Variants in CFAP46 observed in about 807,000 individuals in gnomAD.
CFAP46 encodes the protein cilia- and flagella-associated protein 46.
Under a neutral mutation model 325.7 loss-of-function variants are expected in CFAP46, and 245 were observed. The observed-to-expected ratio is 0.75, with a 90% confidence interval of 0.68 to 0.84. The LOEUF (loss-of-function observed/expected upper bound fraction) is 0.84. Ranked by LOEUF, CFAP46 falls within the 40% of genes least tolerant of loss-of-function variation. CFAP46 has a pLI of 0.00. For missense variants in CFAP46, 3,346 were observed against 3,543.0 expected, an observed-to-expected ratio of 0.94 and a Z score of 1.41; for synonymous variants, 1,523 against 1,495.9, an observed-to-expected ratio of 1.02 and a Z score of -0.42.
chr10:132,907,942 T>G (rs562592920), intron 22 of CFAP46, among the ~76,000 whole-genome samples: 412 of 152,360 alleles, frequency 2.7e-3, no homozygotes, highest in Non-Finnish European at 3.9e-3. Flanking sequence ...CCTCCGGAAC[T>G]GTGAGCAGGA....
In CFAP46 at chr10:132,847,597, G is replaced by A. The variant is rs910004943; in HGVS notation, c.5953-276C>T. Among the ~76,000 whole-genome samples, 34 of 152,112 alleles carry A rather than the reference G, an allele frequency of 2.2e-4. No homozygotes were observed. The highest frequency in any genetic ancestry group is 7.0e-4 in the African/African-American group (29 of 41,500). On this transcript the variant is annotated intron_variant, in intron 41 of 57. Coordinates refer to ENST00000368586, the MANE Select transcript of CFAP46 (RefSeq NM_001200049.3). This position sits in a 1 kb window ranked among gnomAD's most constrained non-coding sequence, Gnocchi z 5.2. ...GAGGACGCAGACCCCTGAGGAAGCC[G>A]GCCTGAGTCACGTGGGCCTGGAATC...
intron 39 of CFAP46, among the ~76,000 whole-genome samples, chr10:132,854,321 C>T (rs1848606655): frequency 7.8e-6 from 1 of 129,008 alleles, no homozygotes; most frequent in Non-Finnish European, 1.6e-5. Context: ...ACATAGCTTT[C>T]TGTGTTTTGT....
At chr10:132,931,108 G>A (rs1171337425) in intron 8 of CFAP46, among the ~76,000 whole-genome samples, 20 of 23,766 alleles carry the variant, frequency 8.4e-4, no homozygotes, top group African/African-American at 2.6e-3. Context: ...CACTCCCCAC[G>A]CAGAGCCTGG....
intron 56 of CFAP46, chr10:132,810,741 G>A (rs377516260): frequency 2.6e-5 from 19 of 724,660 alleles, no homozygotes; most frequent in African/African-American, 8.7e-5. Flanking sequence ...CCCGGCTCCC[G>A]TGGGCTGGTG....
intron 35 of CFAP46, among the ~76,000 whole-genome samples, chr10:132,861,529 C>T (rs1313949102): frequency 3.9e-5 from 6 of 152,244 alleles, no homozygotes; most frequent in African/African-American, 1.4e-4. Context: ...CACCTGGACA[C>T]GGATGCTGAG....
chr10:132,900,920 GCT>G (rs1849384099), intron 22 of CFAP46, among the ~76,000 whole-genome samples: 1 of 152,220 alleles, frequency 6.6e-6, no homozygotes, highest in Non-Finnish European at 1.5e-5. Flanking sequence ...GTATTTTCAA[GCT>G]CTGCTATTAG....
intron 7 of CFAP46, among the ~76,000 whole-genome samples, chr10:132,935,164 T>C (rs12217392): frequency 2.0e-5 from 3 of 152,180 alleles, no homozygotes; most frequent in East Asian, 3.9e-4. Flanking sequence ...GCACTCTCTC[T>C]GCTCAACGGC....
In CFAP46 at chr10:132,879,440, T is replaced by C. The variant is rs988032686; in HGVS notation, c.3991A>G (p.Arg1331Gly). 3.3e-6 allele frequency: 5 copies of C among 1,526,192 alleles called. No individual in the cohort carries two copies. Among genetic ancestry groups the C allele is most frequent in the Non-Finnish European group, 4.4e-6 (5 of 1,133,320 alleles). 94.5% of individuals were successfully genotyped at this position (1,526,192 alleles called of 1,614,324 possible). A position where few individuals can be genotyped will look rare whatever the true frequency, so the allele number is the denominator to read the frequency against. ...DCCLAAYAFFRHIWQVSLMTA... is the reference protein window; with the variant it reads ...DCCLAAYAFFGHIWQVSLMTA... ...CTGGGCCTCACCTGCCAGATGTGCC[T>C]GAAGAAGGCGTAGGCTGCAAGGCAG... Residue 1331 changes from arginine (R) to glycine (G), a missense_variant, in exon 29 of 58, where the codon AGG (arginine) becomes GGG (glycine). Transcript: ENST00000368586.
chr10:132,878,341 TCTCA>T (rs1848987107), intron 29 of CFAP46, among the ~76,000 whole-genome samples: 1 of 152,106 alleles, frequency 6.6e-6, no homozygotes, highest in South Asian at 2.1e-4. Flanking sequence ...TGTCCCTCAG[TCTCA>T]CTCCACTGTC....
At chr10:132,837,720 GAC>G (rs201116941) in intron 44 of CFAP46, among the ~76,000 whole-genome samples, 12,841 of 105,602 alleles carry the variant, frequency 0.12, 1,045 homozygotes, top group Middle Eastern at 0.18. Flanking sequence ...GACATGCACG[GAC>G]ACACACATGC....
At chr10:132,863,719 G>T (rs1848757251) in intron 35 of CFAP46, among the ~76,000 whole-genome samples, 1 of 142,534 alleles carries the variant, frequency 7.0e-6, no homozygotes, top group African/African-American at 2.7e-5. Context: ...CCTGAGACCT[G>T]CACTCACCTG....
chr10:132,823,035 C>CTGTGTGAGT (rs2134882640), intron 50 of CFAP46, among the ~76,000 whole-genome samples: 1 of 96,032 alleles, frequency 1.0e-5, no homozygotes, highest in Admixed American at 1.2e-4. Context: ...GCTGTGTGTG[C>CTGTGTGAGT]GCTGATGTGT....
intron 50 of CFAP46, among the ~76,000 whole-genome samples, chr10:132,822,650 ATGTGTGCTGTGTGTGCGCTTG>A (rs1179988538): frequency 3.0e-5 from 3 of 99,590 alleles, no homozygotes; most frequent in Admixed American, 1.2e-4. Flanking sequence ...CTGTGCGCTG[ATGTGTGCTGTGTGTGCGCTTG>A]TGTGTGCTGT....
chr10:132,935,058 G>A (rs1286170102), intron 7 of CFAP46, among the ~76,000 whole-genome samples, 196 bp from the exon 8 acceptor site: 2 of 152,034 alleles, frequency 1.3e-5, no homozygotes, highest in East Asian at 1.9e-4. Context: ...CATGATGCCC[G>A]GCCTTCCTAC....
chr10:132,821,939 CTGTG>C (rs61726780), intron 50 of CFAP46, among the ~76,000 whole-genome samples: 3 of 112,634 alleles, frequency 2.7e-5, no homozygotes, highest in Non-Finnish European at 5.4e-5. Context: ...CTGATGTGTG[CTGTG>C]TGTGCGCTTG....
At chr10:132,856,298 T>C (rs894635397) in intron 39 of CFAP46, among the ~76,000 whole-genome samples, 1 of 152,252 alleles carries the variant, frequency 6.6e-6, no homozygotes, top group African/African-American at 2.4e-5. Flanking sequence ...TGCCCTGATA[T>C]AGTTTCATTC....
chr10:132,913,998 C>T (rs182171963), intron 17 of CFAP46, among the ~76,000 whole-genome samples: 6 of 152,314 alleles, frequency 3.9e-5, no homozygotes, highest in Non-Finnish European at 7.4e-5. Context: ...CATGGGACCC[C>T]CGCTCACCCC....
chr10:132,834,195 C>T, intron 48 of CFAP46, 72 bp from the exon 49 acceptor site: 1 of 1,391,468 alleles, frequency 7.2e-7, no homozygotes, highest in South Asian at 1.2e-5. Flanking sequence ...GCGACACCTG[C>T]TCAGCCTGTT....
chr10:132,834,966 C>A (rs1428070960), intron 47 of CFAP46, among the ~76,000 whole-genome samples, 191 bp from the exon 48 acceptor site: 1 of 152,264 alleles, frequency 6.6e-6, no homozygotes, highest in Non-Finnish European at 1.5e-5. Context: ...CCCTGAGACC[C>A]CAGCCCCCAC....
Sources: gnomAD v4.1 joint callset for allele counts (sites outside exome capture counted in the v4.1 genomes callset) on GRCh38, gnomAD v4.1.1 for gene constraint, Gnocchi (gnomAD v3.1) non-coding constraint, MANE v1.5 for transcripts, NCBI Gene and HGNC (gene_info 2026-07-23, HGNC 2026-07-21) for gene names.